The following SLC9A9 variants were observed in gnomAD, a reference collection of about 807,000 sequenced individuals.
The protein encoded by SLC9A9 is sodium/hydrogen exchanger 9.
In SLC9A9, 62 loss-of-function variants were observed where a neutral mutation model predicts 77.8. That is an observed-to-expected ratio of 0.80 (90% confidence interval 0.65 to 0.98). The LOEUF is 0.98. Ranked by LOEUF, SLC9A9 falls within the 50% of genes least tolerant of loss-of-function variation. The probability of loss-of-function intolerance (pLI) is 0.00; values close to 1 mark genes in which losing one functional copy is unlikely to be tolerated. For synonymous variants in SLC9A9, 320 were observed against 283.5 expected (o/e 1.13, Z -1.29); for missense variants, 775 against 774.9 (o/e 1.00, Z 0.00).
At chr3:143,346,564 G>A (rs1008641187) in intron 14 of SLC9A9, among the ~76,000 whole-genome samples, 2 of 152,128 alleles carry the variant, frequency 1.3e-5, no homozygotes, top group African/African-American at 4.8e-5. Flanking sequence ...AGTCGGGGGG[G>A]ATCACTTGAG....
rs373155645 is a variant in SLC9A9 at position 143,801,157 on chromosome 3, C to T, written c.379-4254G>A. On this transcript the variant is annotated intron_variant, in intron 2 of 15. Coordinates refer to ENST00000316549, the MANE Select transcript of SLC9A9 (RefSeq NM_173653.4). ...TTTAGAGACTGCTCCCACACTAGCT[C>T]TCCCTGACTCATCCCAACCCTTTTG... 1.8e-4 allele frequency among the ~76,000 whole-genome samples: 28 copies of T among 152,314 alleles called. No homozygotes were observed. The East Asian group carries it at 3.1e-3, about 17-fold the overall frequency.
intron 5 of SLC9A9, among the ~76,000 whole-genome samples, chr3:143,661,304 C>A (rs1170494665): frequency 6.6e-6 from 1 of 152,252 alleles, no homozygotes; most frequent in East Asian, 1.9e-4. Context: ...TTAGAAAAGA[C>A]AGCAACCTAC....
intron 14 of SLC9A9, among the ~76,000 whole-genome samples, chr3:143,313,723 C>T (rs966063085): frequency 6.6e-6 from 1 of 152,238 alleles, no homozygotes; most frequent in African/African-American, 2.4e-5. Flanking sequence ...ACACTCAGGT[C>T]TCCCTGCTTC....
chr3:143,569,631 T>C (rs1370324382), intron 8 of SLC9A9, among the ~76,000 whole-genome samples: 3 of 152,078 alleles, frequency 2.0e-5, no homozygotes, highest in Non-Finnish European at 2.9e-5. Flanking sequence ...GACATATCAT[T>C]CACTTGGGCT....
rs544609182 is a variant in SLC9A9 at position 143,426,321 on chromosome 3, A to T, written c.1469+40716T>A. On this transcript the variant is annotated intron_variant, in intron 12 of 15. Transcript: ENST00000316549. ...TACTTTCAAGGATACGAACTACTAAAAAAGCATTTTAATCAACCCTTTTAT... is the reference window on the plus strand; with the variant it reads ...TACTTTCAAGGATACGAACTACTAATAAAGCATTTTAATCAACCCTTTTAT... Among the ~76,000 whole-genome samples the T allele has an allele frequency of 2.0e-5, 3 of 152,370 alleles. No homozygotes were observed. In the East Asian group the frequency reaches 5.8e-4, roughly 29 times the overall value.
chr3:143,708,034 C>T (rs11919382), intron 4 of SLC9A9, among the ~76,000 whole-genome samples: 99,864 of 152,004 alleles, frequency 0.66, 33,132 homozygotes, highest in African/African-American at 0.68. Context: ...GGGATCAAGC[C>T]TCCCTTCTGT....
intron 11 of SLC9A9, among the ~76,000 whole-genome samples, chr3:143,489,666 A>G (rs1407180014): frequency 6.6e-6 from 1 of 152,086 alleles, no homozygotes; most frequent in East Asian, 1.9e-4. Context: ...AAGAAAAAAT[A>G]GACAAATTAA....
intron 9 of SLC9A9, among the ~76,000 whole-genome samples, chr3:143,527,315 C>T (rs1008909186): frequency 8.5e-5 from 13 of 152,148 alleles, no homozygotes; most frequent in African/African-American, 3.1e-4. Flanking sequence ...AGCACAGTAC[C>T]TCTAATATGG....
At chr3:143,372,752 G>A (rs1395250021) in intron 13 of SLC9A9, among the ~76,000 whole-genome samples, 1 of 151,850 alleles carries the variant, frequency 6.6e-6, no homozygotes, top group African/African-American at 2.4e-5. Flanking sequence ...GAACTCAAAC[G>A]GATCAAGAAA....
At chr3:143,730,674 G>A (rs1055640001) in intron 4 of SLC9A9, among the ~76,000 whole-genome samples, 2 of 152,146 alleles carry the variant, frequency 1.3e-5, no homozygotes, top group African/African-American at 4.8e-5. Context: ...TGCTATAAAA[G>A]CAGGGTTTAT....
intron 11 of SLC9A9, among the ~76,000 whole-genome samples, chr3:143,490,705 AAGAG>A (rs201666264): frequency 2.6e-5 from 4 of 152,328 alleles, no homozygotes; most frequent in East Asian, 1.9e-4. Flanking sequence ...AATGAAAAAA[AAGAG>A]AGAACAATAA....
chr3:143,409,886 G>T (rs1227838975), intron 12 of SLC9A9, among the ~76,000 whole-genome samples: 1 of 152,224 alleles, frequency 6.6e-6, no homozygotes, highest in Non-Finnish European at 1.5e-5. Flanking sequence ...TGCAGGAACA[G>T]CAGGAGAAGA....
intron 9 of SLC9A9, among the ~76,000 whole-genome samples, chr3:143,496,264 T>C (rs1249661003): frequency 1.3e-5 from 2 of 152,184 alleles, no homozygotes; most frequent in Non-Finnish European, 2.9e-5. Flanking sequence ...AGATTAAAAG[T>C]AAAAGGGAAA....
intron 14 of SLC9A9, among the ~76,000 whole-genome samples, chr3:143,311,999 TAGAC>T (rs1170436407): frequency 1.3e-5 from 2 of 152,250 alleles, no homozygotes; most frequent in African/African-American, 4.8e-5. Context: ...ATTTGTCTAT[TAGAC>T]AGAGAAACAA....
chr3:143,553,097 C>T (rs1021288308), intron 8 of SLC9A9, among the ~76,000 whole-genome samples: 1 of 152,204 alleles, frequency 6.6e-6, no homozygotes, highest in African/African-American at 2.4e-5. Context: ...GTAAACTGGT[C>T]TGTTCTTGTG....
intron 13 of SLC9A9, among the ~76,000 whole-genome samples, chr3:143,370,935 C>T (rs2033045623): frequency 6.6e-6 from 1 of 151,942 alleles, no homozygotes; most frequent in Non-Finnish European, 1.5e-5. Context: ...GACTTGCTGC[C>T]TGTAAGTCAT....
At chr3:143,756,640 A>G (rs2006933972) in intron 4 of SLC9A9, among the ~76,000 whole-genome samples, 1 of 152,224 alleles carries the variant, frequency 6.6e-6, no homozygotes, top group South Asian at 2.1e-4. Flanking sequence ...TTGGATAGAT[A>G]ATCTATTTTT....
chr3:143,397,374 G>A (rs1203204971), intron 12 of SLC9A9, among the ~76,000 whole-genome samples: 2 of 152,128 alleles, frequency 1.3e-5, no homozygotes, highest in Non-Finnish European at 2.9e-5. Context: ...TCTTCTCAAT[G>A]TCAGACTGAA....
chr3:143,842,229 AAGTT>A (rs1321724202), intron 1 of SLC9A9, among the ~76,000 whole-genome samples: 1 of 152,092 alleles, frequency 6.6e-6, no homozygotes, highest in Non-Finnish European at 1.5e-5. Context: ...AAACACAAAA[AAGTT>A]AGCCAGGCGT....
Sources: allele counts gnomAD v4.1 joint callset (sites outside exome capture counted in the v4.1 genomes callset), GRCh38; gene constraint gnomAD v4.1.1; transcripts MANE v1.5; gene names NCBI Gene and HGNC (gene_info 2026-07-23, HGNC 2026-07-21).